Variants in RETREG1 observed in about 807,000 individuals in gnomAD.
The protein encoded by RETREG1 is reticulophagy regulator 1, also known as family with sequence similarity 134 member B.
Under a neutral mutation model 54.8 loss-of-function variants are expected in RETREG1, and 44 were observed. That is an observed-to-expected ratio of 0.80 (90% CI 0.63 to 1.03). The LOEUF is 1.03. RETREG1 is among the 50% of genes least tolerant of loss of function. The pLI, the probability that RETREG1 is intolerant of heterozygous loss-of-function variation, is 0.00. For synonymous variants in RETREG1, 217 were observed against 238.5 expected (o/e 0.91, Z 0.83); for missense variants, 554 against 605.1 (o/e 0.92, Z 0.89).
intron 3 of RETREG1, among the ~76,000 whole-genome samples, chr5:16,528,525 G>A (rs909484479): frequency 5.3e-5 from 8 of 152,144 alleles, no homozygotes; most frequent in Admixed American, 2.6e-4. Flanking sequence ...CTCTTCAGGA[G>A]CAAAAGAAAG....
At chr5:16,514,093 G>T (rs1338381442) in intron 3 of RETREG1, among the ~76,000 whole-genome samples, 1 of 152,116 alleles carries the variant, frequency 6.6e-6, no homozygotes, top group African/African-American at 2.4e-5. Context: ...TTTATATACT[G>T]CTATTAAGGA....
chr5:16,490,921 T>C (rs1240761147), intron 3 of RETREG1, among the ~76,000 whole-genome samples: 1 of 152,194 alleles, frequency 6.6e-6, no homozygotes, highest in East Asian at 1.9e-4. Context: ...GGTTCCCAGG[T>C]GAAACTCCTT....
At chr5:16,508,881 A>G in intron 3 of RETREG1, 2 of 1,341,272 alleles carry the variant, frequency 1.5e-6, no homozygotes, top group Admixed American at 3.1e-5. Context: ...TAAATAGGTC[A>G]CCTCTTACTC....
chr5:16,480,475 C>T (rs892830111), intron 5 of RETREG1, among the ~76,000 whole-genome samples: 7 of 151,968 alleles, frequency 4.6e-5, no homozygotes, highest in African/African-American at 1.7e-4. Flanking sequence ...GGGTAAGTAC[C>T]TAGTTGTGGG....
At chr5:16,610,546 T>C (rs1743312709) in intron 1 of RETREG1, among the ~76,000 whole-genome samples, 1 of 152,094 alleles carries the variant, frequency 6.6e-6, no homozygotes, top group Admixed American at 6.5e-5. Flanking sequence ...ACAAAGAACT[T>C]AAACAAATTT....
intron 3 of RETREG1, among the ~76,000 whole-genome samples, chr5:16,551,947 G>A (rs527740633): frequency 6.6e-6 from 1 of 152,058 alleles, no homozygotes; most frequent in African/African-American, 2.4e-5. Flanking sequence ...CTGCAGCCTC[G>A]CATTGTCTCT....
At chr5:16,560,697 A>C (rs1195560514) in intron 3 of RETREG1, among the ~76,000 whole-genome samples, 1 of 152,208 alleles carries the variant, frequency 6.6e-6, no homozygotes, top group Non-Finnish European at 1.5e-5. Flanking sequence ...GGCTCACATG[A>C]GCAAAAGAGC....
intron 6 of RETREG1, 119 bp downstream of exon 6, chr5:16,478,731 T>G (rs941800925): frequency 5.1e-5 from 47 of 918,672 alleles, no homozygotes; most frequent in Non-Finnish European, 7.4e-5. Context: ...GAGATTAGCT[T>G]CTATAATAAT....
chr5:16,509,907 T>C (rs772123480), intron 3 of RETREG1, among the ~76,000 whole-genome samples: 54 of 152,074 alleles, frequency 3.6e-4, no homozygotes, highest in Admixed American at 1.2e-3. Flanking sequence ...AGTGAGAGAA[T>C]TGCTTGAGCC....
At chr5:16,574,002 C>T (rs1222498855) in intron 1 of RETREG1, among the ~76,000 whole-genome samples, 1 of 152,160 alleles carries the variant, frequency 6.6e-6, no homozygotes, top group Non-Finnish European at 1.5e-5. Flanking sequence ...CGGCCTTGGC[C>T]TCCCAAAGTG....
intron 3 of RETREG1, among the ~76,000 whole-genome samples, chr5:16,505,113 A>T (rs1739896307): frequency 6.6e-6 from 1 of 152,222 alleles, no homozygotes; most frequent in Admixed American, 6.5e-5. Context: ...CATCCGGAAC[A>T]CAAATGTACG....
At chr5:16,606,658 C>A (rs1197701168) in intron 1 of RETREG1, among the ~76,000 whole-genome samples, 1 of 152,068 alleles carries the variant, frequency 6.6e-6, no homozygotes. Context: ...TTTCTCTCCC[C>A]CTACCCACCA....
intron 3 of RETREG1, among the ~76,000 whole-genome samples, chr5:16,510,209 G>C (rs1740125910): frequency 6.6e-6 from 1 of 152,108 alleles, no homozygotes. Flanking sequence ...TGTGATGTAT[G>C]CATCTCACAA....
intron 1 of RETREG1, among the ~76,000 whole-genome samples, chr5:16,611,362 C>A (rs1421310888): frequency 6.6e-6 from 1 of 152,096 alleles, no homozygotes. Flanking sequence ...ACGTAACAAA[C>A]CTGCACGTTG....
intron 3 of RETREG1, among the ~76,000 whole-genome samples, chr5:16,510,408 G>A (rs1740133734): frequency 6.6e-6 from 1 of 152,140 alleles, no homozygotes; most frequent in South Asian, 2.1e-4. Context: ...AGGGCAATGT[G>A]CTATACTATT....
chr5:16,557,367 C>A (rs1398714199), intron 3 of RETREG1, among the ~76,000 whole-genome samples: 5 of 152,182 alleles, frequency 3.3e-5, no homozygotes, highest in Admixed American at 3.3e-4. Flanking sequence ...TCTCCACATC[C>A]TTTTATTCCA....
rs73045937 is a variant in RETREG1, at chr5:16,543,178, T to C, written c.458+22585A>G. On this transcript the variant is annotated intron_variant, in intron 3 of 8. Transcript: ENST00000306320. The stretch of plus-strand genomic sequence containing the variant: ...TGATTTGTATCAATAATTCACTCAC[T>C]TTTATTGTTGAGCAGTATTCCACCA... 8.6e-3 allele frequency among the ~76,000 whole-genome samples: 1,310 copies of C among 152,358 alleles called. 20 individuals are homozygous for C. The highest frequency in any genetic ancestry group is 0.03 in the African/African-American group (1,236 of 41,584).
chr5:16,588,176 C>T (rs1394188615), intron 1 of RETREG1, among the ~76,000 whole-genome samples: 1 of 152,204 alleles, frequency 6.6e-6, no homozygotes, highest in Non-Finnish European at 1.5e-5. Context: ...AGTTTATTTT[C>T]TCACAATTTG....
intron 3 of RETREG1, among the ~76,000 whole-genome samples, chr5:16,490,699 T>C (rs941305315): frequency 2.0e-5 from 3 of 152,178 alleles, no homozygotes; most frequent in Non-Finnish European, 4.4e-5. Flanking sequence ...GGTCACAGAA[T>C]GAATCCACAA....
Sources: gnomAD v4.1 joint callset for allele counts (sites outside exome capture counted in the v4.1 genomes callset) on GRCh38, gnomAD v4.1.1 for gene constraint, MANE v1.5 for transcripts, NCBI Gene and HGNC (gene_info 2026-07-23, HGNC 2026-07-21) for gene names.